Variants in ITGA11 observed in about 807,000 individuals in gnomAD.
ITGA11 encodes integrin alpha-11.
Under a neutral mutation model 141.9 loss-of-function variants are expected in ITGA11, and 97 were observed. That is an observed-to-expected ratio of 0.68 (90% CI 0.58 to 0.81). The LOEUF (loss-of-function observed/expected upper bound fraction) is 0.81. Ranked by LOEUF, ITGA11 falls within the 30% of genes least tolerant of loss-of-function variation. The pLI is 0.00. For synonymous variants in ITGA11, 658 were observed against 624.6 expected, an observed-to-expected ratio of 1.05 and a Z score of -0.80; for missense variants, 1,387 against 1,559.2, an observed-to-expected ratio of 0.89 and a Z score of 1.86.
chr15:68,415,305 G>A (rs1312280812), intron 1 of ITGA11, among the ~76,000 whole-genome samples: 6 of 152,200 alleles, frequency 3.9e-5, no homozygotes, highest in Non-Finnish European at 5.9e-5. Flanking sequence ...AGACGGGGAG[G>A]AATAATGGGA....
chr15:68,355,608 G>A (rs1895048859), intron 7 of ITGA11, among the ~76,000 whole-genome samples: 2 of 151,878 alleles, frequency 1.3e-5, no homozygotes, highest in African/African-American at 4.8e-5. Context: ...CACCATGCCT[G>A]GCTAATTTTT....
intron 2 of ITGA11, among the ~76,000 whole-genome samples, chr15:68,387,547 G>T (rs976456244): frequency 6.6e-6 from 1 of 152,208 alleles, no homozygotes; most frequent in Non-Finnish European, 1.5e-5. Flanking sequence ...GAGAGTCATT[G>T]CTGGACAGTA....
intron 2 of ITGA11, among the ~76,000 whole-genome samples, chr15:68,389,877 A>C (rs1896074685): frequency 1.3e-5 from 2 of 152,132 alleles, no homozygotes; most frequent in Admixed American, 6.5e-5. Flanking sequence ...CAGCATCAGG[A>C]GGCTTCCTGC....
chr15:68,333,891 G>A lies in ITGA11; in HGVS notation c.1426-1413C>T, dbSNP rs1483417629. On this transcript the variant is annotated intron_variant, in intron 12 of 29. Transcript: ENST00000315757. The surrounding 1 kb of genome is among the most constrained non-coding windows in gnomAD (Gnocchi z 4.2). ...AACTGAGTTATTTCTCTTCTCCAAA[G>A]GCCCCAGGCCTTGGCTGGCTTCCAG... Among the ~76,000 whole-genome samples the A allele has an allele frequency of 6.6e-6, 1 of 152,186 alleles. No individual in the cohort carries two copies. The highest frequency in any genetic ancestry group is 1.5e-5 in the Non-Finnish European group (1 of 68,042).
At chr15:68,399,621 A>G (rs1294254996) in intron 2 of ITGA11, among the ~76,000 whole-genome samples, 8 of 152,142 alleles carry the variant, frequency 5.3e-5, no homozygotes, top group Admixed American at 1.3e-4. Flanking sequence ...GGAATACTAC[A>G]CAACCATGAA....
chr15:68,342,270 C>T (rs1056503718), intron 10 of ITGA11, among the ~76,000 whole-genome samples: 9 of 152,242 alleles, frequency 5.9e-5, no homozygotes, highest in African/African-American at 1.9e-4. Flanking sequence ...CTGCAGGCCT[C>T]GCACTGGCTT....
chr15:68,417,273 C>T (rs1050300833), intron 1 of ITGA11, among the ~76,000 whole-genome samples: 2 of 152,206 alleles, frequency 1.3e-5, no homozygotes, highest in Non-Finnish European at 2.9e-5. Context: ...GTCCCCATTG[C>T]AGGAAATGGC....
chr15:68,350,611 G>C lies in ITGA11; in HGVS notation c.1060+6C>G. Reference sequence around the variant, plus strand: ...AGTGGATCCCCTCTTAGCATGCATTGCTTACCTTCCAGGCTGAAGATTCTG... The same window carrying C: ...AGTGGATCCCCTCTTAGCATGCATTCCTTACCTTCCAGGCTGAAGATTCTG... On this transcript the variant is annotated splice_donor_region_variant and intron_variant, in intron 9 of 29. Coordinates refer to ENST00000315757, the MANE Select transcript of ITGA11 (RefSeq NM_001004439.2). 1 of 1,611,942 alleles carries C rather than the reference G, an allele frequency of 6.2e-7. No homozygotes were observed. The highest frequency in any genetic ancestry group is 1.1e-5 in the South Asian group (1 of 90,742).
intron 2 of ITGA11, among the ~76,000 whole-genome samples, chr15:68,391,817 G>A (rs1370867146): frequency 1.3e-5 from 2 of 152,120 alleles, no homozygotes; most frequent in African/African-American, 4.8e-5. Flanking sequence ...GTGAAACCAC[G>A]TTTTACTCAT....
intron 2 of ITGA11, among the ~76,000 whole-genome samples, chr15:68,379,283 C>T (rs989024865): frequency 6.6e-6 from 1 of 152,258 alleles, no homozygotes; most frequent in Middle Eastern, 3.2e-3. Flanking sequence ...CTTCCTTGAT[C>T]TCTTAGCTGA....
rs1893065826 is a variant in ITGA11, at chr15:68,302,522, CG to C, written c.*536del. On this transcript the variant is annotated 3_prime_UTR_variant, in exon 30 of 30. Transcript: ENST00000315757. ...AGCCCTTGCTCTTGGGTTCATTCTT[CG>C]GGAGCCCCAGGGGCCTATCTATGGG... is the stretch of plus-strand genomic sequence containing the variant. 1 of 152,692 alleles carries C rather than the reference CG, an allele frequency of 6.5e-6. No individual in the cohort carries two copies. Among genetic ancestry groups the C allele is most frequent in the African/African-American group, 2.4e-5 (1 of 41,414 alleles). 9.5% of individuals were successfully genotyped at this position (152,692 alleles called of 1,614,324 possible).
intron 10 of ITGA11, among the ~76,000 whole-genome samples, chr15:68,344,221 G>A (rs1894666919): frequency 6.6e-6 from 1 of 152,062 alleles, no homozygotes; most frequent in African/African-American, 2.4e-5. Flanking sequence ...CCTGGGGAGA[G>A]GGCCAGGAGA....
At chr15:68,327,760 G>GCCTCTTCCTCTA (rs1220215718) in intron 16 of ITGA11, among the ~76,000 whole-genome samples, 2 of 152,024 alleles carry the variant, frequency 1.3e-5, no homozygotes, top group Non-Finnish European at 2.9e-5. Flanking sequence ...TCCTGGGTCT[G>GCCTCTTCCTCTA]CATCCAGGCA....
At chr15:68,376,295 G>C (rs1895726827) in intron 2 of ITGA11, among the ~76,000 whole-genome samples, 1 of 151,962 alleles carries the variant, frequency 6.6e-6, no homozygotes, top group South Asian at 2.1e-4. Context: ...ATCATTTAGG[G>C]CTCATCTTCA....
In ITGA11 at chr15:68,364,811, G is replaced by C. The variant is rs746262963; in HGVS notation, c.266-13C>G. On this transcript the variant is annotated splice_polypyrimidine_tract_variant and intron_variant, in intron 3 of 29. Transcript: ENST00000315757. ...AGGGTGACCCTTCCTGGGGTTGGGG[G>C]AGAAGTTCAGCTTGCAGCCCCCTCC... The C allele has an allele frequency of 6.2e-7, 1 of 1,612,338 alleles. No homozygotes were observed. Among genetic ancestry groups the C allele is most frequent in the South Asian group, 1.1e-5 (1 of 90,946 alleles).
intron 4 of ITGA11, 55 bp downstream of exon 4, chr15:68,364,652 T>TC: frequency 3.1e-6 from 2 of 654,804 alleles, no homozygotes; most frequent in Admixed American, 3.9e-5. Flanking sequence ...GCTCCACCCC[T>TC]CCCCACCCCC....
At chr15:68,344,575 G>A (rs975988841) in intron 10 of ITGA11, among the ~76,000 whole-genome samples, 1 of 152,028 alleles carries the variant, frequency 6.6e-6, no homozygotes, top group Admixed American at 6.5e-5. Flanking sequence ...CCTCCAGAGG[G>A]GGACTAGACT....
chr15:68,369,791 G>A (rs1178697556), intron 2 of ITGA11, among the ~76,000 whole-genome samples: 1 of 152,138 alleles, frequency 6.6e-6, no homozygotes, highest in African/African-American at 2.4e-5. Context: ...GGTGGACAAG[G>A]CAGCCAGTGG....
rs542898149 is a variant in ITGA11, at chr15:68,335,908, G to A, written c.1277-63C>T. 158 of 1,558,290 alleles carry A rather than the reference G, an allele frequency of 1.0e-4. 2 individuals carry two copies. In the South Asian group the frequency reaches 1.7e-3, roughly 17 times the overall value. On this transcript the variant is annotated intron_variant, in intron 11 of 29. Transcript: ENST00000315757. The surrounding 1 kb of genome is among the most constrained non-coding windows in gnomAD (Gnocchi z 4.9). ...GTCCTCAGCAGGCGTTGCTTGGCCC[G>A]GTGCATGGCTTGGCAGTGCCAGAGG...
Sources: allele counts gnomAD v4.1 joint callset (sites outside exome capture counted in the v4.1 genomes callset), GRCh38; gene constraint gnomAD v4.1.1; non-coding constraint Gnocchi (gnomAD v3.1); transcripts MANE v1.5; gene names NCBI Gene and HGNC (gene_info 2026-07-23, HGNC 2026-07-21).